ARHGEF16: variants seen among roughly 807,000 people sequenced by gnomAD.
ARHGEF16 encodes the protein Rho guanine nucleotide exchange factor 16, also known as Rho guanine exchange factor (GEF) 16.
In ARHGEF16, 59 loss-of-function variants were observed where a neutral mutation model predicts 74.1. The observed-to-expected ratio is 0.80, with a 90% confidence interval of 0.65 to 0.99. The LOEUF (loss-of-function observed/expected upper bound fraction) is 0.99. ARHGEF16 is among the 50% of genes least tolerant of loss of function. The pLI is 0.00. For missense variants in ARHGEF16, 948 were observed against 986.6 expected, an observed-to-expected ratio of 0.96 and a Z score of 0.52; for synonymous variants, 415 against 412.6, an observed-to-expected ratio of 1.01 and a Z score of -0.07.
At chr1:3,461,206 C>T (rs967581155) in intron 1 of ARHGEF16, among the ~76,000 whole-genome samples, 2 of 152,210 alleles carry the variant, frequency 1.3e-5, no homozygotes, top group African/African-American at 2.4e-5. Context: ...AGAATGAAAG[C>T]AGCGAGTTTT....
At chr1:3,478,148 C>A in intron 11 of ARHGEF16, 122 bp downstream of exon 11, 1 of 1,374,268 alleles carries the variant, frequency 7.3e-7, no homozygotes. Flanking sequence ...CGAGGCGCGG[C>A]TTCCACTCGG....
At position 3,467,200 on chromosome 1, in the gene ARHGEF16, G is replaced by A; in HGVS notation, c.667G>A (p.Gly223Ser). The A allele has an allele frequency of 6.4e-7, 1 of 1,550,646 alleles. No individual in the cohort carries two copies. The highest frequency in any genetic ancestry group is 8.7e-7 in the Non-Finnish European group (1 of 1,146,862). Reference protein sequence around the residue: ...PQLYQEIQERGLNTSQESDDD... With the variant: ...PQLYQEIQERSLNTSQESDDD... The stretch of plus-strand genomic sequence containing the variant: ...GCTCTACCAGGAGATCCAGGAGCGG[G>A]GCCTGAACACCAGCCAGGAGTCTGA... Residue 223 changes from glycine (G) to serine (S), a missense_variant, in exon 4 of 15, where the codon GGC (glycine) becomes AGC (serine). Gly to Ser is a moderately conservative substitution (Grantham distance 56). Transcript: ENST00000378378.
chr1:3,477,786 G>A lies in ARHGEF16; in HGVS notation c.1474-89G>A, dbSNP rs995615986. On this transcript the variant is annotated intron_variant, in intron 10 of 14. Coordinates refer to ENST00000378378, the MANE Select transcript of ARHGEF16 (RefSeq NM_014448.4). ...GAGTCAGTCCCACCTGGTGCTATGC[G>A]TCCTTGACCCCCTGGGGACCTGCTC... 307 of 1,283,434 alleles carry A rather than the reference G, an allele frequency of 2.4e-4. 1 individual carries two copies. Among genetic ancestry groups the A allele is most frequent in the South Asian group, 8.2e-4 (63 of 76,888 alleles). 79.5% of individuals were successfully genotyped at this position (1,283,434 alleles called of 1,614,324 possible).
At position 3,470,021 on chromosome 1, in the gene ARHGEF16, G is replaced by T. The variant is rs541098421; in HGVS notation, c.1022+428G>T. On this transcript the variant is annotated intron_variant, in intron 6 of 14. Coordinates refer to ENST00000378378, the MANE Select transcript of ARHGEF16 (RefSeq NM_014448.4). ...AAAGGTGTCTGGTGGCTGGACCTGA[G>T]CTCTGGTTGCAGGGCCTGGAGGTAG... Among the ~76,000 whole-genome samples, 480 of 152,332 alleles carry T rather than the reference G, an allele frequency of 3.2e-3. 5 individuals carry two copies. Among genetic ancestry groups the T allele is most frequent in the Non-Finnish European group, 5.1e-3 (347 of 68,032 alleles).
chr1:3,472,906 C>G, intron 6 of ARHGEF16, 172 bp from the exon 7 acceptor site: 1 of 401,522 alleles, frequency 2.5e-6, no homozygotes, highest in Non-Finnish European at 4.3e-6. Flanking sequence ...TCCAGCATCC[C>G]AGGTCCGGGT....
rs1639564251 is a variant in ARHGEF16, at chr1:3,466,967, C to G, written c.635-201C>G. ...GGTTTGGAGGCACCCTGAGCCGGGA[C>G]CAGCCCATTTCAGGTGGGACTTGTG... is the stretch of plus-strand genomic sequence containing the variant. On this transcript the variant is annotated intron_variant, in intron 3 of 14. Coordinates refer to ENST00000378378, the MANE Select transcript of ARHGEF16 (RefSeq NM_014448.4). 1.1e-5 allele frequency: 6 copies of G among 553,988 alleles called. No individual in the cohort carries two copies. The South Asian group carries it at 1.7e-4, about 16-fold the overall frequency. 34.3% of individuals were successfully genotyped at this position (553,988 alleles called of 1,614,324 possible).
At chr1:3,472,440 G>C (rs1002368774) in intron 6 of ARHGEF16, among the ~76,000 whole-genome samples, 10 of 151,416 alleles carry the variant, frequency 6.6e-5, no homozygotes, top group South Asian at 2.1e-4. Flanking sequence ...CCCACAGCTG[G>C]CCCCCCCCCG....
Position 3,463,369 on chromosome 1 carries a change from G to A in ARHGEF16, c.285G>A (p.Val95=). 6.5e-7 allele frequency: 1 copy of A among 1,550,204 alleles called. No homozygotes were observed. The highest frequency in any genetic ancestry group is 8.7e-7 in the Non-Finnish European group (1 of 1,146,886). The change falls in exon 2 of 15, where the codon GTG becomes GTA. Residue 95 remains valine (V), a synonymous_variant. Coordinates refer to ENST00000378378, the MANE Select transcript of ARHGEF16 (RefSeq NM_014448.4). ...AGCTGATCCCTAAGAGCCTGGCTGT[G>A]GCCAGCAAGGCAAAGACCCCAGCCC... The part of the protein sequence containing the change: ...TQQLIPKSLA[V]ASKAKTPARH...
rs1640036071 is a variant in ARHGEF16, at chr1:3,480,768, C to A, written c.*181C>A. ...TTCACGGAAGGAAGATCACATGTCC[C>A]CAGAGAGGCACCCCCAGGCAAGCTC... On this transcript the variant is annotated 3_prime_UTR_variant, in exon 15 of 15. Transcript: ENST00000378378. 1 of 868,232 alleles carries A rather than the reference C, an allele frequency of 1.2e-6. No individual in the cohort carries two copies. The highest frequency in any genetic ancestry group is 1.7e-6 in the Non-Finnish European group (1 of 585,186). The allele number at this position is 868,232 out of a possible 1,614,324, so 53.8% of individuals were successfully genotyped here.
At position 3,459,600 on chromosome 1, in the gene ARHGEF16, GC is replaced by G. The variant is rs1300121884; in HGVS notation, c.-19-3463del. Among the ~76,000 whole-genome samples the G allele has an allele frequency of 6.6e-5, 10 of 152,230 alleles. No individual in the cohort carries two copies. The South Asian group carries it at 1.0e-3, about 16-fold the overall frequency. ...CCCAGGGTGAGGCCCAGAGCACTGG[GC>G]CCTCTGGAGAGGGAGGACGGGGGGT... On this transcript the variant is annotated intron_variant, in intron 1 of 14. Transcript: ENST00000378378.
In ARHGEF16 at chr1:3,469,578, T is replaced by C; in HGVS notation, c.1007T>C (p.Leu336Pro). 6.2e-7 allele frequency: 1 copy of C among 1,612,916 alleles called. No individual in the cohort carries two copies. The highest frequency in any genetic ancestry group is 1.6e-4 in the Middle Eastern group (1 of 6,062). ...CTCTTCTCCAACATCCTGGATGTCC[T>C]GGGTGCCAGTCAGAGGTGAGGCCAC... ...HHLFSNILDVLGASQRFFEDL... is the reference protein window; with the variant it reads ...HHLFSNILDVPGASQRFFEDL... The change falls in exon 6 of 15, where the codon CTG becomes CCG. Residue 336 changes from leucine to proline, a missense_variant. Transcript: ENST00000378378.
intron 3 of ARHGEF16, among the ~76,000 whole-genome samples, 176 bp downstream of exon 3, chr1:3,466,369 G>A (rs1639545186): frequency 6.6e-6 from 1 of 152,128 alleles, no homozygotes; most frequent in South Asian, 2.1e-4. Flanking sequence ...TAGCCCTGAT[G>A]AGTCTAGAAA....
chr1:3,472,919 C>T (rs1464600135), intron 6 of ARHGEF16, 159 bp from the exon 7 acceptor site: 27 of 607,884 alleles, frequency 4.4e-5, no homozygotes, highest in South Asian at 1.3e-4. Flanking sequence ...GTCCGGGTCC[C>T]GCCCCAAGTG....
intron 10 of ARHGEF16, among the ~76,000 whole-genome samples, 155 bp downstream of exon 10, chr1:3,476,217 T>C (rs910050509): frequency 2.6e-5 from 4 of 152,126 alleles, no homozygotes; most frequent in Admixed American, 2.6e-4. Context: ...GGCTGGTGGC[T>C]CTGGTCTCTC....
intron 1 of ARHGEF16, among the ~76,000 whole-genome samples, chr1:3,455,806 T>G (rs765416848): frequency 2.6e-5 from 4 of 152,120 alleles, no homozygotes; most frequent in Non-Finnish European, 4.4e-5. Context: ...CTTTGTGAAC[T>G]AAGCAGCTCT....
At chr1:3,472,444 C>G (rs552790771) in intron 6 of ARHGEF16, among the ~76,000 whole-genome samples, 4 of 152,248 alleles carry the variant, frequency 2.6e-5, no homozygotes, top group Non-Finnish European at 5.9e-5. Flanking sequence ...CAGCTGGCCC[C>G]CCCCCGGCCT....
At chr1:3,465,446 AG>A (rs940396139) in intron 2 of ARHGEF16, among the ~76,000 whole-genome samples, 23 of 87,116 alleles carry the variant, frequency 2.6e-4, no homozygotes, top group African/African-American at 9.4e-4. Flanking sequence ...TGGAGGCCGA[AG>A]GGGGGCTGGG....
At chr1:3,476,101 C>T (rs1639864827) in intron 10 of ARHGEF16, 39 bp downstream of exon 10, 1 of 1,536,464 alleles carries the variant, frequency 6.5e-7, no homozygotes, top group Admixed American at 2.0e-5. Context: ...CGGACCACTT[C>T]CCACTCAGCC....
At chr1:3,464,716 C>G (rs151219635) in intron 2 of ARHGEF16, among the ~76,000 whole-genome samples, 5 of 152,218 alleles carry the variant, frequency 3.3e-5, no homozygotes, top group African/African-American at 1.2e-4. Flanking sequence ...CCTGAACCTT[C>G]CTGAGCCTTG....
Sources: allele counts gnomAD v4.1 joint callset (sites outside exome capture counted in the v4.1 genomes callset), GRCh38; gene constraint gnomAD v4.1.1; transcripts MANE v1.5; gene names NCBI Gene and HGNC (gene_info 2026-07-23, HGNC 2026-07-21).